PCDHA12: variants seen among roughly 807,000 people sequenced by gnomAD.
PCDHA12 encodes the protein protocadherin alpha-12.
PCDHA12 carries 44 observed loss-of-function variants against 60.0 expected under a neutral mutation model. That is an observed-to-expected ratio of 0.73 (90% CI 0.58 to 0.94). The LOEUF is 0.94. PCDHA12 is among the 40% of genes least tolerant of loss of function. The probability of loss-of-function intolerance (pLI) is 0.00; values close to 1 mark genes in which losing one functional copy is unlikely to be tolerated. For missense variants in PCDHA12, 1,276 were observed against 1,239.7 expected, an observed-to-expected ratio of 1.03 and a Z score of -0.44; for synonymous variants, 569 against 553.0, an observed-to-expected ratio of 1.03 and a Z score of -0.40.
intron 1 of PCDHA12, among the ~76,000 whole-genome samples, chr5:140,885,615 AAT>A (rs1411025177): frequency 6.6e-6 from 1 of 152,162 alleles, no homozygotes; most frequent in African/African-American, 2.4e-5. Context: ...TTAATTATAA[AAT>A]ATGTCACTGG....
intron 1 of PCDHA12, chr5:140,967,191 A>G (rs781981464): frequency 6.2e-7 from 1 of 1,613,532 alleles, no homozygotes; most frequent in Non-Finnish European, 8.5e-7. Flanking sequence ...TTGGACATCA[A>G]CGACAACTCA....
intron 1 of PCDHA12, among the ~76,000 whole-genome samples, chr5:140,898,901 T>C (rs1196685970): frequency 7.9e-5 from 12 of 152,172 alleles, no homozygotes; most frequent in Admixed American, 7.9e-4. Context: ...GAAGAGGTCC[T>C]TCACGTCCCT....
chr5:140,877,189 G>A lies in PCDHA12; in HGVS notation c.1717G>A (p.Ala573Thr). 6.2e-7 allele frequency: 1 copy of A among 1,613,808 alleles called. No individual in the cohort carries two copies. Among genetic ancestry groups the A allele is most frequent in the Non-Finnish European group, 8.5e-7 (1 of 1,179,818 alleles). ...PALLATPAGS[A>T]GGAVSELVPR... is the part of the protein sequence containing the mutation. ...ACTGCTGGCGACTCCGGCTGGCAGC[G>A]CAGGAGGCGCAGTTAGCGAGTTGGT... Residue 573 changes from alanine to threonine, a missense_variant, in exon 1 of 4, where the codon GCA (alanine) becomes ACA (threonine). Physicochemically the swap from Ala to Thr is moderately conservative, Grantham distance 58 (BLOSUM62 0). Transcript: ENST00000398631.
At chr5:141,006,368 C>A (rs1395158727) in intron 3 of PCDHA12, among the ~76,000 whole-genome samples, 1 of 151,954 alleles carries the variant, frequency 6.6e-6, no homozygotes, top group Non-Finnish European at 1.5e-5. Flanking sequence ...CCCACCACCA[C>A]GCCCGGCTAA....
In PCDHA12 at chr5:140,989,027, CATT is replaced by C. The variant is rs1413017003; in HGVS notation, c.2515+6465_2515+6467del. The C allele has an allele frequency of 1.4e-4, 22 of 152,178 alleles. 1 individual carries two copies. The highest frequency in any genetic ancestry group is 1.4e-3 in the Admixed American group (22 of 15,274). The allele number at this position is 152,178 out of a possible 1,614,324, so 9.4% of individuals were successfully genotyped here. A position where few individuals can be genotyped will look rare whatever the true frequency, so the allele number is the denominator to read the frequency against. ...GACTTATTATAGTTTCTTCAGTTAT[CATT>C]GATTCCTTTAATATGCCAGCTACAT... On this transcript the variant is annotated intron_variant, in intron 3 of 3. Transcript: ENST00000398631.
chr5:140,990,518 T>G (rs2097397992), intron 3 of PCDHA12, among the ~76,000 whole-genome samples: 1 of 152,314 alleles, frequency 6.6e-6, no homozygotes, highest in South Asian at 2.1e-4. Context: ...CTCTCTTGTC[T>G]TTTTTGACTG....
intron 3 of PCDHA12, among the ~76,000 whole-genome samples, chr5:141,005,035 GT>G (rs1272983494): frequency 6.6e-6 from 1 of 152,194 alleles, no homozygotes; most frequent in African/African-American, 2.4e-5. Context: ...TTGCCCATAT[GT>G]GATACCATTT....
Position 140,876,767 on chromosome 5 carries a change from C to T in PCDHA12, c.1295C>T (p.Ser432Leu), listed in dbSNP as rs1462172871. Residue 432 changes from serine (S) to leucine (L), a missense_variant, in exon 1 of 4, where the codon TCG (serine) becomes TTG (leucine). Coordinates refer to ENST00000398631, the MANE Select transcript of PCDHA12 (RefSeq NM_018903.4). ...GTGGTGACTGCGCGGGATGGGGGCT[C>T]GCCTTCGCTGTGGGCCACGGCTAGA... ...ELVVTARDGG[S>L]PSLWATARVS... is the part of the protein sequence containing the mutation. 2 of 1,614,194 alleles carry T rather than the reference C, an allele frequency of 1.2e-6. No homozygotes were observed. The highest frequency in any genetic ancestry group is 1.1e-5 in the South Asian group (1 of 91,082).
intron 3 of PCDHA12, among the ~76,000 whole-genome samples, chr5:140,996,006 C>G (rs962825775): frequency 6.6e-6 from 1 of 152,204 alleles, no homozygotes; most frequent in Non-Finnish European, 1.5e-5. Context: ...GTCGTCAGAA[C>G]TATTACTACT....
At chr5:140,884,603 T>A in intron 1 of PCDHA12, 4 of 1,614,132 alleles carry the variant, frequency 2.5e-6, no homozygotes, top group Non-Finnish European at 3.4e-6. Flanking sequence ...CCTTCCTCCT[T>A]GTCTGGGTTC....
chr5:140,973,741 G>C (rs925905924), intron 1 of PCDHA12, among the ~76,000 whole-genome samples: 1 of 152,206 alleles, frequency 6.6e-6, no homozygotes, highest in Admixed American at 6.5e-5. Context: ...GTCTAACTCA[G>C]AACACTCTGC....
chr5:140,926,885 GAGGGA>G (rs782449015), intron 1 of PCDHA12: 1 of 1,543,482 alleles, frequency 6.5e-7, no homozygotes, highest in Non-Finnish European at 8.7e-7. Context: ...TGGACGCCTA[GAGGGA>G]GGATGGTGGG....
intron 1 of PCDHA12, among the ~76,000 whole-genome samples, chr5:140,909,960 C>T (rs1419796014): frequency 6.6e-6 from 1 of 152,184 alleles, no homozygotes; most frequent in Non-Finnish European, 1.5e-5. Context: ...CGTAGGTCTC[C>T]ATGGGGAAGG....
Position 140,880,816 on chromosome 5 carries a change from G to A in PCDHA12, c.2367+2977G>A, listed in dbSNP as rs3806840. On this transcript the variant is annotated intron_variant, in intron 1 of 3. Transcript: ENST00000398631. ...ATAAATAGGTGAATGACTCTAGAGTGTCTGGAAGGGCATATTTTAAATGGT... is the reference window on the plus strand; with the variant it reads ...ATAAATAGGTGAATGACTCTAGAGTATCTGGAAGGGCATATTTTAAATGGT... Among the ~76,000 whole-genome samples the A allele has an allele frequency of 9.8e-5, 15 of 152,318 alleles. No individual in the cohort carries two copies. In the East Asian group the frequency reaches 2.9e-3, roughly 29 times the overall value.
intron 1 of PCDHA12, among the ~76,000 whole-genome samples, chr5:140,941,270 T>TTTCC (rs1378866749): frequency 2.2e-5 from 3 of 136,668 alleles, no homozygotes; most frequent in Admixed American, 7.6e-5. Context: ...TCTTTCTTTC[T>TTTCC]TTCCTTCCTT....
intron 1 of PCDHA12, among the ~76,000 whole-genome samples, chr5:140,952,839 T>G (rs1270756530): frequency 6.6e-6 from 1 of 152,210 alleles, no homozygotes; most frequent in Non-Finnish European, 1.5e-5. Context: ...GCTGGCCATC[T>G]GCTTGTCTTC....
intron 3 of PCDHA12, among the ~76,000 whole-genome samples, chr5:141,001,895 G>T (rs1390745542): frequency 3.9e-5 from 6 of 152,208 alleles, no homozygotes; most frequent in Non-Finnish European, 8.8e-5. Context: ...AGAAATCGGG[G>T]CTGTTTGAAA....
At chr5:140,916,464 G>T (rs2077577403) in intron 1 of PCDHA12, among the ~76,000 whole-genome samples, 1 of 152,206 alleles carries the variant, frequency 6.6e-6, no homozygotes, top group Non-Finnish European at 1.5e-5. Context: ...ATCACTGCTG[G>T]TTATTTGGTG....
chr5:140,907,412 A>G (rs889699438), intron 1 of PCDHA12, among the ~76,000 whole-genome samples: 5 of 152,232 alleles, frequency 3.3e-5, no homozygotes, highest in Non-Finnish European at 7.3e-5. Flanking sequence ...GAATACCACG[A>G]TGGTGGATAA....
Sources: allele counts gnomAD v4.1 joint callset (sites outside exome capture counted in the v4.1 genomes callset), GRCh38; gene constraint gnomAD v4.1.1; transcripts MANE v1.5; gene names NCBI Gene and HGNC (gene_info 2026-07-23, HGNC 2026-07-21).